FNIP1: variants seen among roughly 807,000 people sequenced by gnomAD.
The protein encoded by FNIP1 is folliculin-interacting protein 1.
FNIP1 carries 40 observed loss-of-function variants against 124.5 expected under a neutral mutation model. That is an observed-to-expected ratio of 0.32 (90% CI 0.25 to 0.42). The LOEUF (loss-of-function observed/expected upper bound fraction) is 0.42. Among genes scored for constraint, FNIP1 ranks in the 10% least tolerant of loss-of-function variants. FNIP1 has a pLI of 1.00. For synonymous variants in FNIP1, 472 were observed against 470.6 expected, an observed-to-expected ratio of 1.00 and a Z score of -0.04; for missense variants, 1,176 against 1,403.7, an observed-to-expected ratio of 0.84 and a Z score of 2.59.
chr5:131,677,934 T>C, intron 12 of FNIP1, 62 bp from the exon 13 acceptor site: 3 of 1,545,540 alleles, frequency 1.9e-6, no homozygotes, highest in South Asian at 2.4e-5. Flanking sequence ...AGGTAAAATG[T>C]AGTGAAAAAG....
At chr5:131,768,348 T>C (rs1771508813) in intron 1 of FNIP1, among the ~76,000 whole-genome samples, 1 of 152,148 alleles carries the variant, frequency 6.6e-6, no homozygotes, top group Admixed American at 6.5e-5. Flanking sequence ...TTTAACTTTC[T>C]GACATTAACT....
At chr5:131,769,051 T>C (rs537037266) in intron 1 of FNIP1, among the ~76,000 whole-genome samples, 2 of 152,252 alleles carry the variant, frequency 1.3e-5, no homozygotes, top group African/African-American at 2.4e-5. Flanking sequence ...TACATTTTAC[T>C]TATAAATATA....
intron 15 of FNIP1, among the ~76,000 whole-genome samples, chr5:131,663,445 G>A (rs571490054): frequency 3.9e-5 from 6 of 152,196 alleles, no homozygotes; most frequent in African/African-American, 1.2e-4. Flanking sequence ...AAAAATAAGC[G>A]CTTGAATCAA....
intron 1 of FNIP1, among the ~76,000 whole-genome samples, chr5:131,786,999 G>A (rs1484145165): frequency 6.6e-6 from 1 of 152,136 alleles, no homozygotes; most frequent in Admixed American, 6.5e-5. Context: ...TCAGAAGGTA[G>A]GTATAATAAA....
At position 131,709,258 on chromosome 5, in the gene FNIP1, T is replaced by C. The variant is rs373160110; in HGVS notation, c.721A>G (p.Met241Val). ...TTGAGCTCTCTTCCAGGCATGTCCA[T>C]TGGGTTGCTGTGAACTATAAATAAA... ...ASFFAVHSNP[M>V]DMPGRELNED... The change falls in exon 8 of 18, where the codon ATG becomes GTG. Residue 241 changes from methionine to valine, a missense_variant. Physicochemically the swap from Met to Val is conservative, Grantham distance 21. Transcript: ENST00000510461. The C allele has an allele frequency of 1.9e-6, 3 of 1,613,902 alleles. No homozygotes were observed. Among genetic ancestry groups the C allele is most frequent in the Non-Finnish European group, 2.5e-6 (3 of 1,179,896 alleles).
intron 2 of FNIP1, 137 bp from the exon 3 acceptor site, chr5:131,731,175 T>G: frequency 1.4e-6 from 1 of 731,986 alleles, no homozygotes; most frequent in Non-Finnish European, 2.1e-6. Flanking sequence ...ATTGGCATTT[T>G]GCTGTATTTT....
intron 15 of FNIP1, among the ~76,000 whole-genome samples, chr5:131,653,321 T>G (rs1017825654): frequency 2.6e-5 from 4 of 152,030 alleles, no homozygotes; most frequent in African/African-American, 9.7e-5. Context: ...ACCGATCACC[T>G]AAGGTCAGGA....
intron 1 of FNIP1, among the ~76,000 whole-genome samples, chr5:131,752,267 T>C (rs549788058): frequency 2.0e-5 from 3 of 152,168 alleles, no homozygotes; most frequent in Non-Finnish European, 4.4e-5. Context: ...ATGGTCTTCA[T>C]CTCCTGACCT....
chr5:131,731,643 AAAAAAAAAAC>A (rs1223224178), intron 2 of FNIP1, among the ~76,000 whole-genome samples: 1 of 150,610 alleles, frequency 6.6e-6, no homozygotes, highest in Non-Finnish European at 1.5e-5. Context: ...CTCTGTTTCA[AAAAAAAAAAC>A]AAAAAAAAAC....
intron 11 of FNIP1, among the ~76,000 whole-genome samples, chr5:131,683,003 T>C (rs1483992115): frequency 6.6e-6 from 1 of 152,226 alleles, no homozygotes; most frequent in Non-Finnish European, 1.5e-5. Flanking sequence ...TAACTAAACA[T>C]GCTTCCTGCT....
chr5:131,726,018 C>A (rs1450395647), intron 3 of FNIP1, among the ~76,000 whole-genome samples: 1 of 152,194 alleles, frequency 6.6e-6, no homozygotes, highest in Non-Finnish European at 1.5e-5. Context: ...ATATGTTGAA[C>A]CAGCCTTGCA....
chr5:131,759,280 A>C (rs886118772), intron 1 of FNIP1, among the ~76,000 whole-genome samples: 17 of 152,208 alleles, frequency 1.1e-4, no homozygotes, highest in African/African-American at 4.1e-4. Context: ...CAGCTTCTGC[A>C]CAGCAAAGGA....
chr5:131,685,247 A>T (rs1768234410), intron 11 of FNIP1, among the ~76,000 whole-genome samples: 2 of 152,096 alleles, frequency 1.3e-5, no homozygotes, highest in Non-Finnish European at 2.9e-5. Flanking sequence ...AAAAATATTT[A>T]AAAATATCAA....
chr5:131,728,723 TGCTGGCAA>T (rs1769976204), intron 3 of FNIP1, among the ~76,000 whole-genome samples: 1 of 152,160 alleles, frequency 6.6e-6, no homozygotes, highest in African/African-American at 2.4e-5. Flanking sequence ...TTTGTTCCCT[TGCTGGCAA>T]GGTGTTGTGA....
At chr5:131,786,558 G>A (rs1296702609) in intron 1 of FNIP1, among the ~76,000 whole-genome samples, 1 of 152,222 alleles carries the variant, frequency 6.6e-6, no homozygotes, top group Non-Finnish European at 1.5e-5. Flanking sequence ...GAAATTGGGG[G>A]ATTAGAGTGC....
At chr5:131,705,032 A>C (rs987738183) in intron 9 of FNIP1, among the ~76,000 whole-genome samples, 2 of 152,204 alleles carry the variant, frequency 1.3e-5, no homozygotes, top group Non-Finnish European at 1.5e-5. Context: ...TACAAATCAT[A>C]TATCTGATAA....
chr5:131,713,262 G>A (rs1319322719), intron 6 of FNIP1, among the ~76,000 whole-genome samples: 1 of 152,060 alleles, frequency 6.6e-6, no homozygotes. Flanking sequence ...TAGCCAGGAT[G>A]GTGTCAATCT....
At chr5:131,780,267 G>A (rs1031000257) in intron 1 of FNIP1, among the ~76,000 whole-genome samples, 3 of 152,006 alleles carry the variant, frequency 2.0e-5, no homozygotes, top group Non-Finnish European at 4.4e-5. Context: ...AAAAACACAA[G>A]TAACTACATC....
intron 16 of FNIP1, 80 bp from the exon 17 acceptor site, chr5:131,647,285 T>C: frequency 1.0e-6 from 1 of 967,672 alleles, no homozygotes; most frequent in South Asian, 1.4e-5. Flanking sequence ...AAACATAATG[T>C]TTTTGACAAT....
Sources: allele counts gnomAD v4.1 joint callset (sites outside exome capture counted in the v4.1 genomes callset), GRCh38; gene constraint gnomAD v4.1.1; transcripts MANE v1.5; gene names NCBI Gene and HGNC (gene_info 2026-07-23, HGNC 2026-07-21).